Variants in POLA1 observed in about 807,000 individuals in gnomAD.
POLA1 encodes DNA polymerase alpha 1, catalytic subunit, also known as DNA polymerase alpha catalytic subunit.
Under a neutral mutation model 124.0 loss-of-function variants are expected in POLA1, and 15 were observed. The observed-to-expected ratio is 0.12, with a 90% CI of 0.08 to 0.19. POLA1 has a LOEUF of 0.19. Ranked by LOEUF, POLA1 falls within the 10% of genes least tolerant of loss-of-function variation. The pLI is 1.00. For missense variants in POLA1, 886 were observed against 1,103.4 expected (o/e 0.80, Z 2.79); for synonymous variants, 408 against 389.4 (o/e 1.05, Z -0.56).
intron 35 of POLA1, among the ~76,000 whole-genome samples, chrX:24,893,065 T>C (rs1359065049): frequency 8.9e-6 from 1 of 112,023 alleles, no homozygotes; most frequent in Admixed American, 9.4e-5. Context: ...GCTGAACAAA[T>C]TGTTGATTTG....
At chrX:24,705,317 A>G (rs1928726177) in intron 4 of POLA1, among the ~76,000 whole-genome samples, 1 of 111,812 alleles carries the variant, frequency 8.9e-6, no homozygotes, top group Non-Finnish European at 1.9e-5. Context: ...GCGGTATTTT[A>G]AAAATAAAAA....
chrX:24,794,567 T>C (rs2045572592), intron 26 of POLA1, among the ~76,000 whole-genome samples: 1 of 112,201 alleles, frequency 8.9e-6, no homozygotes, highest in South Asian at 3.7e-4. Context: ...TTGTGGTTTT[T>C]CCCCTGCACA....
chrX:24,978,110 G>T (rs1470858063), intron 36 of POLA1, among the ~76,000 whole-genome samples: 1 of 111,844 alleles, frequency 8.9e-6, no homozygotes, highest in African/African-American at 3.3e-5. Context: ...TGTAATTTGA[G>T]TGAGGATTTG....
At chrX:24,986,729 CAT>C (rs763067129) in intron 36 of POLA1, among the ~76,000 whole-genome samples, 41 of 107,243 alleles carry the variant, frequency 3.8e-4, no homozygotes, top group African/African-American at 5.7e-4. Flanking sequence ...TGTCTCTTAA[CAT>C]ATATATATAT....
At chrX:24,697,942 A>ATT (rs563410574) in intron 1 of POLA1, among the ~76,000 whole-genome samples, 6 of 99,956 alleles carry the variant, frequency 6.0e-5, no homozygotes, top group South Asian at 4.4e-4. Flanking sequence ...CTGTGGATGA[A>ATT]TTTTTTTTTT....
chrX:24,693,957 G>T lies in POLA1; in HGVS notation c.-5G>T. The T allele has an allele frequency of 8.4e-7, 1 of 1,194,541 alleles. No individual in the cohort carries two copies. On this transcript the variant is annotated 5_prime_UTR_variant, in exon 1 of 37. Transcript: ENST00000379068. The stretch of plus-strand genomic sequence containing the variant: ...GGTTGGCGCGGAATCGGGAGATTCG[G>T]GACCATGGCACCTGTGCACGGCGAC...
chrX:24,950,073 C>G (rs746304634), intron 36 of POLA1, among the ~76,000 whole-genome samples: 2 of 112,278 alleles, frequency 1.8e-5, no homozygotes, highest in South Asian at 3.7e-4. Context: ...CCTTTGTCCT[C>G]TTATCCTCAC....
intron 35 of POLA1, among the ~76,000 whole-genome samples, chrX:24,922,911 TA>T (rs779280390): frequency 8.9e-6 from 1 of 112,324 alleles, no homozygotes; most frequent in East Asian, 2.8e-4. Context: ...GTTTGAAATT[TA>T]TATTTAAATT....
intron 16 of POLA1, 135 bp downstream of exon 16, chrX:24,732,589 G>GTTTTTTTT (rs1197349636): frequency 4.3e-5 from 5 of 116,666 alleles, no homozygotes; most frequent in Non-Finnish European, 6.1e-5. Context: ...AGAGGGTTTT[G>GTTTTTTTT]TTTTTTTTTG....
At chrX:24,949,297 A>G (rs1239323975) in intron 36 of POLA1, among the ~76,000 whole-genome samples, 2 of 111,664 alleles carry the variant, frequency 1.8e-5, no homozygotes, top group South Asian at 3.7e-4. Context: ...TCCTATAAAG[A>G]GCCAAATTTC....
At chrX:24,791,393 G>GT (rs2045493490) in intron 26 of POLA1, among the ~76,000 whole-genome samples, 1 of 112,331 alleles carries the variant, frequency 8.9e-6, no homozygotes, top group Admixed American at 9.4e-5. Flanking sequence ...TTTTGTTGTT[G>GT]TTGTTTGTTT....
chrX:24,755,549 CTTAG>C (rs1325816087), intron 26 of POLA1, among the ~76,000 whole-genome samples: 1 of 111,644 alleles, frequency 9.0e-6, no homozygotes, highest in African/African-American at 3.3e-5. Context: ...TTGTATGTCT[CTTAG>C]TATTCTTAGG....
chrX:24,712,928 A>G (rs1446707045), intron 4 of POLA1, among the ~76,000 whole-genome samples: 3 of 111,679 alleles, frequency 2.7e-5, no homozygotes, highest in Non-Finnish European at 5.6e-5. Flanking sequence ...CATTTGGTCT[A>G]TTTGTATGCC....
intron 34 of POLA1, among the ~76,000 whole-genome samples, chrX:24,853,724 G>C: frequency 9.0e-6 from 1 of 111,246 alleles, no homozygotes; most frequent in African/African-American, 3.3e-5. Flanking sequence ...GTTAATTTTT[G>C]AGAAGATGTC....
At chrX:24,855,415 C>A (rs2046630563) in intron 34 of POLA1, among the ~76,000 whole-genome samples, 1 of 111,781 alleles carries the variant, frequency 8.9e-6, no homozygotes, top group Non-Finnish European at 1.9e-5. Flanking sequence ...GCATGATCTT[C>A]CATCTGCGAC....
chrX:24,843,969 T>C (rs1383763585), intron 34 of POLA1, among the ~76,000 whole-genome samples: 2 of 111,774 alleles, frequency 1.8e-5, no homozygotes, highest in African/African-American at 6.5e-5. Context: ...TTTAGTTTAT[T>C]GTTACCTAAA....
intron 36 of POLA1, among the ~76,000 whole-genome samples, chrX:24,966,973 C>T (rs749997976): frequency 8.9e-6 from 1 of 112,096 alleles, no homozygotes; most frequent in East Asian, 2.8e-4. Flanking sequence ...ACTGATAATA[C>T]TAACTCAATT....
Position 24,715,145 on chromosome X carries a change from C to T in POLA1, c.467C>T (p.Ala156Val), listed in dbSNP as rs1929735878. The change falls in exon 6 of 37, where the codon GCT becomes GTT. Residue 156 changes from alanine to valine, a missense_variant. By Grantham distance (64) the Ala-to-Val change is moderately conservative (BLOSUM62 0). This residue lies in a region of POLA1 where 337 missense variants were observed against 402.8 expected (regional missense o/e 0.84). Coordinates refer to ENST00000379068, the MANE Select transcript of POLA1 (RefSeq NM_001330360.2). ...ACCTTTCTTTATCATTTCCAGAAAG[C>T]TGTAGACTTGTCCAAGGATGGTCTG... Reference protein sequence around the residue: ...ACAGKKTADKAVDLSKDGLLG... With the variant: ...ACAGKKTADKVVDLSKDGLLG... The T allele has an allele frequency of 8.5e-7, 1 of 1,178,088 alleles. No homozygotes were observed.
intron 26 of POLA1, among the ~76,000 whole-genome samples, chrX:24,771,820 C>T (rs1332509697): frequency 1.8e-5 from 2 of 111,569 alleles, no homozygotes; most frequent in African/African-American, 6.5e-5. Context: ...TCAACAGTTT[C>T]ATGTGATTCA....
Sources: gnomAD v4.1 joint callset for allele counts (sites outside exome capture counted in the v4.1 genomes callset) on GRCh38, gnomAD v4.1.1 for gene constraint, gnomAD v4.1.1 regional missense constraint, MANE v1.5 for transcripts, NCBI Gene and HGNC (gene_info 2026-07-23, HGNC 2026-07-21) for gene names.